The following DDX3X variants were observed in gnomAD, a reference collection of about 807,000 sequenced individuals.
DDX3X encodes the protein ATP-dependent RNA helicase DDX3X.
Under a neutral mutation model 52.7 loss-of-function variants are expected in DDX3X, and 4 were observed. The ratio of observed to expected loss-of-function variants is 0.08; its 90% CI spans 0.04 to 0.17. The LOEUF (loss-of-function observed/expected upper bound fraction) is 0.17. Among genes scored for constraint, DDX3X ranks in the 10% least tolerant of loss-of-function variants. DDX3X has a pLI of 1.00. For missense variants in DDX3X, 222 were observed against 548.6 expected (o/e 0.40, Z 5.95); for synonymous variants, 192 against 178.1 (o/e 1.08, Z -0.62).
At chrX:41,345,023 CTG>C (rs749358109) in intron 10 of DDX3X, among the ~76,000 whole-genome samples, 155 bp from the exon 11 acceptor site, 29 of 111,855 alleles carry the variant, frequency 2.6e-4, no homozygotes, top group East Asian at 2.2e-3. Context: ...TGTGCTGTGT[CTG>C]TAAAATTATG....
Position 41,339,026 on chromosome X carries a change from A to T in DDX3X, c.104-10A>T, listed in dbSNP as rs112766093. On this transcript the variant is annotated splice_polypyrimidine_tract_variant and intron_variant, in intron 2 of 16. Transcript: ENST00000644876. ...TTTAATTAATTTTATATATATATAT[A>T]TTTTTTTAGAAGGGCGCTATATTCC... 1,734 of 895,549 alleles carry T rather than the reference A, an allele frequency of 1.9e-3. 11 individuals are homozygous for T. In the African/African-American group the frequency reaches 0.025, roughly 13 times the overall value. The allele number at this position is 895,549 out of a possible 1,213,427, so 73.8% of individuals were successfully genotyped here.
rs1249482347 is a variant in DDX3X, at chrX:41,347,293, C to A, written c.1770-19C>A. On this transcript the variant is annotated intron_variant, in intron 15 of 16. Coordinates refer to ENST00000644876, the MANE Select transcript of DDX3X (RefSeq NM_001356.5). ...GGAATTTCATCTTCATGTGAACCAA[C>A]ATAATTTTTTTCTTATAGTAGCAGA... is the stretch of plus-strand genomic sequence containing the variant. 1.7e-6 allele frequency: 2 copies of A among 1,194,728 alleles called. No individual in the cohort carries two copies. Among genetic ancestry groups the A allele is most frequent in the East Asian group, 3.0e-5 (1 of 33,553 alleles).
chrX:41,352,300 C>T (rs1165510664), downstream of DDX3X, among the ~76,000 whole-genome samples: 1 of 111,597 alleles, frequency 9.0e-6, no homozygotes, highest in Non-Finnish European at 1.9e-5. Context: ...GAAGCAGATA[C>T]AATCATGGTT....
intron 2 of DDX3X, 147 bp from the exon 3 acceptor site, chrX:41,338,889 T>C (rs2063808028): frequency 4.9e-6 from 1 of 204,025 alleles, no homozygotes; most frequent in Non-Finnish European, 9.0e-6. Context: ...TAGATTCTTA[T>C]TTTTCCCCCC....
chrX:41,333,412 C>T (rs1187024165), upstream of DDX3X: 1 of 109,265 alleles, frequency 9.2e-6, no homozygotes, highest in Admixed American at 9.7e-5. Context: ...CCCCTTACTC[C>T]GCTCCCCTCT....
intron 7 of DDX3X, 130 bp from the exon 8 acceptor site, chrX:41,343,607 C>A (rs1730625349): frequency 4.8e-6 from 3 of 624,597 alleles, no homozygotes; most frequent in South Asian, 6.9e-5. Context: ...GCAGAGAAGC[C>A]ACTTTTTGGA....
At chrX:41,337,642 CTTTTTT>C (rs5902274) in intron 2 of DDX3X, 177 bp downstream of exon 2, 36 of 289,186 alleles carry the variant, frequency 1.2e-4, no homozygotes, top group African/African-American at 7.2e-4. Flanking sequence ...GCATCGTTGC[CTTTTTT>C]TTTTTTTTTT....
chrX:41,335,409 GT>G (rs1395459901), intron 1 of DDX3X: 1 of 107,859 alleles, frequency 9.3e-6, no homozygotes, highest in East Asian at 3.5e-4. Flanking sequence ...AGGCCCCCGG[GT>G]TTTTTCTCTT....
intron 5 of DDX3X, among the ~76,000 whole-genome samples, chrX:41,363,793 GAAAC>G (rs34342659): frequency 2.8e-5 from 3 of 108,474 alleles, no homozygotes; most frequent in Non-Finnish European, 5.7e-5. Context: ...CAAAACAAAA[GAAAC>G]AAACAAACAA....
At position 41,334,174 on chromosome X, in the gene DDX3X, C is replaced by G; in HGVS notation, c.-79C>G. 2 of 1,056,687 alleles carry G rather than the reference C, an allele frequency of 1.9e-6. No individual in the cohort carries two copies. The highest frequency in any genetic ancestry group is 1.3e-6 in the Non-Finnish European group (1 of 767,319). The allele number at this position is 1,056,687 out of a possible 1,213,427, so 87.1% of individuals were successfully genotyped here. On this transcript the variant is annotated 5_prime_UTR_variant, in exon 1 of 17. Transcript: ENST00000644876. The stretch of plus-strand genomic sequence containing the variant: ...CGCGGTGCGCTCCAGAGCCGCAGTT[C>G]TCCCGTGAGAGGGCCTTCGCGGTGG...
intron 10 of DDX3X, 47 bp downstream of exon 10, chrX:41,344,446 C>G: frequency 8.4e-7 from 1 of 1,196,894 alleles, no homozygotes; most frequent in Non-Finnish European, 1.1e-6. Flanking sequence ...TTGTTTTGTT[C>G]TTTTGTTTTT....
chrX:41,361,678 C>G (rs781495266), intron 5 of DDX3X, among the ~76,000 whole-genome samples: 2 of 111,127 alleles, frequency 1.8e-5, no homozygotes, highest in Non-Finnish European at 3.8e-5. Context: ...TCATGCCTGG[C>G]CCTCTTTCTC....
chrX:41,343,992 G>T (rs774779977), intron 8 of DDX3X, 38 bp from the exon 9 acceptor site: 4 of 1,100,650 alleles, frequency 3.6e-6, no homozygotes, highest in African/African-American at 1.8e-5. Context: ...TTCAAACAGG[G>T]TAGGTAGAGT....
At chrX:41,355,111 G>A (rs1391236409), downstream of DDX3X, among the ~76,000 whole-genome samples, 2 of 111,443 alleles carry the variant, frequency 1.8e-5, no homozygotes, top group East Asian at 2.8e-4. Context: ...GTGAGCCACC[G>A]TGCCCGGCCA....
At chrX:41,350,758 ATC>A (rs1363385080), downstream of DDX3X, 1 of 111,757 alleles carries the variant, frequency 8.9e-6, no homozygotes, top group South Asian at 3.7e-4. Flanking sequence ...GCAAGACCTT[ATC>A]TCTGAAAACA....
chrX:41,358,710 G>A (rs773412617), intron 5 of DDX3X, among the ~76,000 whole-genome samples: 2 of 111,731 alleles, frequency 1.8e-5, no homozygotes, highest in African/African-American at 6.5e-5. Flanking sequence ...GAGCACAAAA[G>A]CAGCTGCCAT....
chrX:41,343,446 G>A (rs2063879037), intron 7 of DDX3X, 95 bp downstream of exon 7: 1 of 764,159 alleles, frequency 1.3e-6, no homozygotes, highest in Non-Finnish European at 1.8e-6. Flanking sequence ...CAGTTTTGCA[G>A]CTGCTCTGCG....
intron 14 of DDX3X, 24 bp downstream of exon 14, chrX:41,346,646 T>C (rs1284319519): frequency 9.0e-7 from 1 of 1,115,865 alleles, no homozygotes; most frequent in Admixed American, 2.3e-5. Flanking sequence ...TACTTGATGG[T>C]TTCATTGTTT....
At chrX:41,345,355 T>G (rs775277870) in intron 11 of DDX3X, 31 bp downstream of exon 11, 2 of 1,201,552 alleles carry the variant, frequency 1.7e-6, no homozygotes, top group South Asian at 3.7e-5. Context: ...TTTTATTTAT[T>G]TAGAAATTTG....
Sources: allele counts gnomAD v4.1 joint callset (sites outside exome capture counted in the v4.1 genomes callset), GRCh38; gene constraint gnomAD v4.1.1; transcripts MANE v1.5; gene names NCBI Gene and HGNC (gene_info 2026-07-23, HGNC 2026-07-21).